TRIP4: variants seen among roughly 807,000 people sequenced by gnomAD.
The protein encoded by TRIP4 is activating signal cointegrator 1.
In TRIP4, 54 loss-of-function variants were observed where a neutral mutation model predicts 81.8. That is an observed-to-expected ratio of 0.66 (90% CI 0.53 to 0.83). The LOEUF (loss-of-function observed/expected upper bound fraction) is 0.83. Among genes scored for constraint, TRIP4 ranks in the 40% least tolerant of loss-of-function variants. The pLI, the probability that TRIP4 is intolerant of heterozygous loss-of-function variation, is 0.00. For synonymous variants in TRIP4, 270 were observed against 242.8 expected, an observed-to-expected ratio of 1.11 and a Z score of -1.04; for missense variants, 662 against 683.6, an observed-to-expected ratio of 0.97 and a Z score of 0.35.
chr15:64,410,355 G>T (rs1315901033), intron 7 of TRIP4, among the ~76,000 whole-genome samples: 2 of 152,090 alleles, frequency 1.3e-5, no homozygotes, highest in African/African-American at 4.8e-5. Context: ...ATGAGATATA[G>T]TATGGGCACA....
chr15:64,395,397 G>A lies in TRIP4; in HGVS notation c.272-1G>A. Reference sequence around the variant, plus strand: ...GTATTTTTTTTTTTCTATCTTTAAAGAAATTTTAGATGGGCAGAAATCAGG... The same window carrying A: ...GTATTTTTTTTTTTCTATCTTTAAAAAAATTTTAGATGGGCAGAAATCAGG... On this transcript the variant is annotated splice_acceptor_variant, in intron 2 of 12. Coordinates refer to ENST00000261884, the MANE Select transcript of TRIP4 (RefSeq NM_016213.5). LOFTEE classifies it high-confidence loss of function. 1 of 1,593,760 alleles carries A rather than the reference G, an allele frequency of 6.3e-7. No individual in the cohort carries two copies. The highest frequency in any genetic ancestry group is 8.5e-7 in the Non-Finnish European group (1 of 1,173,478).
chr15:64,400,682 T>C lies in TRIP4; in HGVS notation c.619-61T>C. Reference sequence around the variant, plus strand: ...TGTAATTTCAGGTTACTTTTAGATATATCAAGAAAGCAATATAATTTAACT... The same window carrying C: ...TGTAATTTCAGGTTACTTTTAGATACATCAAGAAAGCAATATAATTTAACT... On this transcript the variant is annotated intron_variant, in intron 4 of 12. Coordinates refer to ENST00000261884, the MANE Select transcript of TRIP4 (RefSeq NM_016213.5). 3 of 1,339,644 alleles carry C rather than the reference T, an allele frequency of 2.2e-6. No homozygotes were observed. In the South Asian group the frequency reaches 3.6e-5, roughly 16 times the overall value. The allele number at this position is 1,339,644 out of a possible 1,614,324, so 83.0% of individuals were successfully genotyped here. A position where few individuals can be genotyped will look rare whatever the true frequency, so the allele number is the denominator to read the frequency against.
intron 11 of TRIP4, among the ~76,000 whole-genome samples, chr15:64,436,480 T>C (rs1892402137): frequency 6.6e-6 from 1 of 150,946 alleles, no homozygotes; most frequent in Non-Finnish European, 1.5e-5. Context: ...TAATCCCAGC[T>C]ACTCAGGAGG....
chr15:64,394,143 G>A (rs745564084), intron 2 of TRIP4, 28 bp downstream of exon 2: 1 of 1,540,158 alleles, frequency 6.5e-7, no homozygotes, highest in East Asian at 2.4e-5. Context: ...TGCAAATGTT[G>A]AAATATTGGT....
At chr15:64,425,365 A>AT (rs1892118208) in intron 10 of TRIP4, among the ~76,000 whole-genome samples, 175 bp from the exon 11 acceptor site, 1 of 152,174 alleles carries the variant, frequency 6.6e-6, no homozygotes, top group Admixed American at 6.6e-5. Flanking sequence ...CACTCACTAG[A>AT]TTTTTTTGCT....
chr15:64,410,893 T>C (rs1891747898), intron 7 of TRIP4, among the ~76,000 whole-genome samples: 1 of 152,078 alleles, frequency 6.6e-6, no homozygotes, highest in South Asian at 2.1e-4. Flanking sequence ...CTAAAAACAA[T>C]TTACAAGTGG....
intron 1 of TRIP4, among the ~76,000 whole-genome samples, chr15:64,389,971 G>A (rs1900073319): frequency 6.7e-6 from 1 of 148,662 alleles, no homozygotes. Flanking sequence ...CAAAGTGCTG[G>A]GATTACAGGC....
intron 12 of TRIP4, among the ~76,000 whole-genome samples, chr15:64,445,785 C>G (rs1053675262): frequency 1.3e-5 from 2 of 151,750 alleles, no homozygotes; most frequent in African/African-American, 2.4e-5. Context: ...AAAGCCTTTC[C>G]AAAGTATACC....
At chr15:64,449,505 G>GC (rs1180336700) in intron 12 of TRIP4, among the ~76,000 whole-genome samples, 2 of 151,518 alleles carry the variant, frequency 1.3e-5, no homozygotes, top group African/African-American at 4.8e-5. Context: ...ATGATGCCCG[G>GC]CTTCAGGTTC....
intron 8 of TRIP4, among the ~76,000 whole-genome samples, chr15:64,414,504 CTCTT>C (rs527925639): frequency 2.3e-4 from 28 of 121,786 alleles, no homozygotes; most frequent in African/African-American, 7.8e-4. Flanking sequence ...TTTGTTAATG[CTCTT>C]TCTCTTTTTT....
chr15:64,409,496 GCTTGAC>G lies in TRIP4; in HGVS notation c.828-114_828-109del. On this transcript the variant is annotated intron_variant, in intron 6 of 12. Coordinates refer to ENST00000261884, the MANE Select transcript of TRIP4 (RefSeq NM_016213.5). ...ACACTGGAGATAAAACATATGCAGA[GCTTGAC>G]CTGATTTTGGAACATATTTGAGATA... The G allele has an allele frequency of 3.2e-6, 3 of 933,460 alleles. No homozygotes were observed. In the South Asian group the frequency reaches 4.8e-5, roughly 15 times the overall value. 57.8% of individuals were successfully genotyped at this position (933,460 alleles called of 1,614,324 possible).
At chr15:64,451,258 G>A (rs1054616792) in intron 12 of TRIP4, among the ~76,000 whole-genome samples, 3 of 146,626 alleles carry the variant, frequency 2.0e-5, no homozygotes, top group African/African-American at 5.1e-5. Context: ...GATTACAGGC[G>A]AGCACCATCA....
chr15:64,440,302 T>TTC (rs1192756555), intron 11 of TRIP4, among the ~76,000 whole-genome samples: 3 of 151,928 alleles, frequency 2.0e-5, no homozygotes, highest in Admixed American at 2.0e-4. Context: ...TTCACCTCCC[T>TTC]TCTCTTATTC....
intron 11 of TRIP4, among the ~76,000 whole-genome samples, chr15:64,442,739 G>A (rs1892545863): frequency 1.3e-5 from 2 of 152,044 alleles, no homozygotes; most frequent in South Asian, 4.2e-4. Context: ...TGTAATCCCA[G>A]CACTTTGGGA....
intron 12 of TRIP4, among the ~76,000 whole-genome samples, chr15:64,445,468 G>C (rs1457599400): frequency 1.2e-5 from 1 of 83,598 alleles, no homozygotes; most frequent in Non-Finnish European, 2.7e-5. Flanking sequence ...TCTCTACTAA[G>C]ATTACCAAAA....
intron 2 of TRIP4, 21 bp from the exon 3 acceptor site, chr15:64,395,377 T>G (rs1351420895): frequency 1.3e-6 from 2 of 1,594,932 alleles, no homozygotes; most frequent in East Asian, 2.2e-5. Flanking sequence ...TGTGTGTATT[T>G]TTTTTTTTCT....
rs1230013786 is a variant in TRIP4 at position 64,414,833 on chromosome 15, T to TATTCACC, written c.1170+624_1170+630dup. Among the ~76,000 whole-genome samples, 6 of 151,992 alleles carry TATTCACC rather than the reference T, an allele frequency of 3.9e-5. No individual in the cohort carries two copies. The East Asian group carries it at 9.7e-4, about 24-fold the overall frequency. The stretch of plus-strand genomic sequence containing the variant: ...GAAGCTGGCATTCATTAAAAGTAAA[T>TATTCACC]ATTCACCAGGCGCACTTTGGGAGGC... On this transcript the variant is annotated intron_variant, in intron 8 of 12. Coordinates refer to ENST00000261884, the MANE Select transcript of TRIP4 (RefSeq NM_016213.5).
At chr15:64,399,542 T>G (rs143496439) in intron 4 of TRIP4, among the ~76,000 whole-genome samples, 220 of 152,138 alleles carry the variant, frequency 1.4e-3, no homozygotes, top group African/African-American at 4.9e-3. Context: ...AGTCTCACTC[T>G]CTTGCCCAGC....
At chr15:64,440,700 C>G (rs1892497783) in intron 11 of TRIP4, among the ~76,000 whole-genome samples, 1 of 152,018 alleles carries the variant, frequency 6.6e-6, no homozygotes, top group Non-Finnish European at 1.5e-5. Flanking sequence ...TTATGTTTGT[C>G]TTTATTGTGA....
Sources: gnomAD v4.1 joint callset for allele counts (sites outside exome capture counted in the v4.1 genomes callset) on GRCh38, gnomAD v4.1.1 for gene constraint, MANE v1.5 for transcripts, NCBI Gene and HGNC (gene_info 2026-07-23, HGNC 2026-07-21) for gene names.